ADGRG6: variants seen among roughly 807,000 people sequenced by gnomAD.
ADGRG6 encodes adhesion G protein-coupled receptor G6.
A neutral mutation model predicts 142.4 loss-of-function variants in ADGRG6; 84 were observed. That is an observed-to-expected ratio of 0.59 (90% CI 0.49 to 0.71). ADGRG6 has a LOEUF of 0.71. ADGRG6 is among the 30% of genes least tolerant of loss of function. The probability of loss-of-function intolerance (pLI) is 0.00; values close to 1 mark genes in which losing one functional copy is unlikely to be tolerated. For synonymous variants in ADGRG6, 521 were observed against 520.5 expected (o/e 1.00, Z -0.01); for missense variants, 1,367 against 1,466.6 (o/e 0.93, Z 1.11).
chr6:142,343,874 G>T (rs183515468), intron 2 of ADGRG6, among the ~76,000 whole-genome samples: 45 of 151,868 alleles, frequency 3.0e-4, no homozygotes, highest in African/African-American at 8.4e-4. Context: ...GTATTCTCCT[G>T]GATTGAAACA....
At chr6:142,361,769 C>T (rs993779104) in intron 2 of ADGRG6, among the ~76,000 whole-genome samples, 1 of 151,206 alleles carries the variant, frequency 6.6e-6, no homozygotes, top group Non-Finnish European at 1.5e-5. Flanking sequence ...ATAGACCATG[C>T]AGTTTATGTT....
chr6:142,442,697 T>G (rs971776291), intron 24 of ADGRG6, among the ~76,000 whole-genome samples: 1 of 152,096 alleles, frequency 6.6e-6, no homozygotes, highest in African/African-American at 2.4e-5. Flanking sequence ...GTACCCTTTT[T>G]GCTATTTTCC....
chr6:142,371,162 T>C (rs566919079), intron 4 of ADGRG6, among the ~76,000 whole-genome samples: 25 of 150,682 alleles, frequency 1.7e-4, no homozygotes, highest in African/African-American at 6.2e-4. Context: ...AATAAGTAAG[T>C]TATTGGTATT....
chr6:142,422,099 G>C (rs1776678554), intron 22 of ADGRG6, among the ~76,000 whole-genome samples: 1 of 152,048 alleles, frequency 6.6e-6, no homozygotes, highest in Non-Finnish European at 1.5e-5. Context: ...TTAAAGAAAT[G>C]ATTCAGTGAA....
At chr6:142,330,133 CGT>C (rs1347406250) in intron 2 of ADGRG6, among the ~76,000 whole-genome samples, 2 of 151,142 alleles carry the variant, frequency 1.3e-5, no homozygotes, top group Non-Finnish European at 2.9e-5. Context: ...GTTTTCTGTT[CGT>C]GTGTTAGTTT....
intron 2 of ADGRG6, among the ~76,000 whole-genome samples, chr6:142,355,979 T>C (rs1008603044): frequency 3.9e-5 from 6 of 152,140 alleles, no homozygotes; most frequent in African/African-American, 1.4e-4. Context: ...GGTAAAGCAG[T>C]TGAAAGATAG....
chr6:142,318,360 AAT>A, intron 2 of ADGRG6, among the ~76,000 whole-genome samples: 1 of 80,644 alleles, frequency 1.2e-5, no homozygotes, highest in East Asian at 3.0e-4. Flanking sequence ...TATATTATAT[AAT>A]ATTTATATAT....
At position 142,363,184 on chromosome 6, in the gene ADGRG6, TC is replaced by T. The variant is rs536220702; in HGVS notation, c.104-4384del. On this transcript the variant is annotated intron_variant, in intron 2 of 24. Transcript: ENST00000367609. ...GCAATTATTCAATATCATCCACAAA[TC>T]TGTGTTGAAAGAAGCTAAAATTGAT... 1.8e-3 allele frequency among the ~76,000 whole-genome samples: 276 copies of T among 152,256 alleles called. 2 individuals carry two copies. Among genetic ancestry groups the T allele is most frequent in the South Asian group, 3.3e-3 (16 of 4,828 alleles).
rs1775907432 is a variant in ADGRG6, at chr6:142,408,175, T to C, written c.2294T>C (p.Leu765Ser). ...FQDVGPQRKT[L>S]VSYVMACSIG... ...GATGTAGGACCCCAAAGAAAAACTT[T>C]AGTGAGTTATGTGATGGCGTGCAGT... is the stretch of plus-strand genomic sequence containing the variant. Residue 765 changes from leucine to serine, a missense_variant, in exon 16 of 25, where the codon TTA (leucine) becomes TCA (serine). Coordinates refer to ENST00000367609, the MANE Select transcript of ADGRG6 (RefSeq NM_198569.3). The C allele has an allele frequency of 1.9e-6, 3 of 1,588,896 alleles. No homozygotes were observed. The highest frequency in any genetic ancestry group is 2.6e-6 in the Non-Finnish European group (3 of 1,165,604).
At chr6:142,356,335 T>A (rs1780442904) in intron 2 of ADGRG6, among the ~76,000 whole-genome samples, 1 of 152,108 alleles carries the variant, frequency 6.6e-6, no homozygotes, top group African/African-American at 2.4e-5. Context: ...AATAGCACAA[T>A]AAGTACTGTT....
In ADGRG6 at chr6:142,381,662, T is replaced by C. The variant is rs189879828; in HGVS notation, c.1070-289T>C. On this transcript the variant is annotated intron_variant, in intron 4 of 24. Coordinates refer to ENST00000367609, the MANE Select transcript of ADGRG6 (RefSeq NM_198569.3). ...CCACCCAAACTCTTAAAATTTATTATACAAAAAGCCCTGAACTTTTTGCAC... is the reference window on the plus strand; with the variant it reads ...CCACCCAAACTCTTAAAATTTATTACACAAAAAGCCCTGAACTTTTTGCAC... Among the ~76,000 whole-genome samples the C allele has an allele frequency of 1.3e-4, 20 of 152,374 alleles. 1 individual carries two copies. In the East Asian group the frequency reaches 1.9e-3, roughly 15 times the overall value.
At chr6:142,321,472 A>G (rs1343907524) in intron 2 of ADGRG6, among the ~76,000 whole-genome samples, 3 of 152,090 alleles carry the variant, frequency 2.0e-5, no homozygotes, top group Admixed American at 6.6e-5. Context: ...ATGTAAATAC[A>G]TAAACAGATT....
At chr6:142,389,877 T>G (rs77178142) in intron 6 of ADGRG6, among the ~76,000 whole-genome samples, 1,807 of 151,988 alleles carry the variant, frequency 0.012, 38 homozygotes, top group African/African-American at 0.041. Flanking sequence ...AAACTCTTTA[T>G]CATTCTTTAT....
chr6:142,354,822 T>A (rs1780365263), intron 2 of ADGRG6, among the ~76,000 whole-genome samples: 1 of 152,252 alleles, frequency 6.6e-6, no homozygotes, highest in Non-Finnish European at 1.5e-5. Flanking sequence ...GTTTGCATAA[T>A]GGAACTAACA....
Position 142,365,718 on chromosome 6 carries a change from A to T in ADGRG6, c.104-1851A>T, listed in dbSNP as rs1780914246. On this transcript the variant is annotated intron_variant, in intron 2 of 24. Coordinates refer to ENST00000367609, the MANE Select transcript of ADGRG6 (RefSeq NM_198569.3). ...AGAGCAGGAGGAGGGCAAGTTAAAAAGAATGGATGGAGACAGAGTTGGCAA... is the reference window on the plus strand; with the variant it reads ...AGAGCAGGAGGAGGGCAAGTTAAAATGAATGGATGGAGACAGAGTTGGCAA... Among the ~76,000 whole-genome samples, 4 of 152,170 alleles carry T rather than the reference A, an allele frequency of 2.6e-5. No individual in the cohort carries two copies. In the South Asian group the frequency reaches 8.3e-4, roughly 32 times the overall value.
chr6:142,440,867 T>C, intron 24 of ADGRG6: 13 of 1,008,688 alleles, frequency 1.3e-5, no homozygotes, highest in Non-Finnish European at 1.9e-5. Context: ...GCTGGTTCAT[T>C]TCTTGGAATT....
intron 6 of ADGRG6, among the ~76,000 whole-genome samples, chr6:142,388,612 C>T (rs1355589111): frequency 6.6e-6 from 1 of 152,038 alleles, no homozygotes; most frequent in Non-Finnish European, 1.5e-5. Context: ...GAACACTTAC[C>T]TTAGCCTACA....
chr6:142,396,997 A>G (rs1775229867), intron 9 of ADGRG6, among the ~76,000 whole-genome samples: 1 of 152,126 alleles, frequency 6.6e-6, no homozygotes, highest in Non-Finnish European at 1.5e-5. Context: ...TAACCTTCTT[A>G]AGTAATATGC....
In ADGRG6 at chr6:142,419,993, G is replaced by A. The variant is rs1188707850; in HGVS notation, c.3208G>A (p.Val1070Met). Residue 1070 changes from valine (V) to methionine (M), a missense_variant, in exon 22 of 25, where the codon GTG becomes ATG. Coordinates refer to ENST00000367609, the MANE Select transcript of ADGRG6 (RefSeq NM_198569.3). ...REEVLRNLRS[V>M]VSLTFLLGMT... Reference sequence around the variant, plus strand: ...AGAAGTGTTAAGGAACCTGCGCAGTGTGGTTAGCTTGACCTTTCTGTTGGG... The same window carrying A: ...AGAAGTGTTAAGGAACCTGCGCAGTATGGTTAGCTTGACCTTTCTGTTGGG... 6.2e-7 allele frequency: 1 copy of A among 1,613,410 alleles called. No individual in the cohort carries two copies. Among genetic ancestry groups the A allele is most frequent in the African/African-American group, 1.3e-5 (1 of 74,896 alleles).
Sources: allele counts gnomAD v4.1 joint callset (sites outside exome capture counted in the v4.1 genomes callset), GRCh38; gene constraint gnomAD v4.1.1; transcripts MANE v1.5; gene names NCBI Gene and HGNC (gene_info 2026-07-23, HGNC 2026-07-21).